The following TNFRSF19 variants were observed in gnomAD, a reference collection of about 807,000 sequenced individuals.
TNFRSF19 encodes tumor necrosis factor receptor superfamily member 19.
TNFRSF19 carries 27 observed loss-of-function variants against 46.4 expected under a neutral mutation model. The ratio of observed to expected loss-of-function variants is 0.58; its 90% CI spans 0.43 to 0.80. The LOEUF (loss-of-function observed/expected upper bound fraction) is 0.80. Among genes scored for constraint, TNFRSF19 ranks in the 30% least tolerant of loss-of-function variants. TNFRSF19 has a pLI of 0.00. For missense variants in TNFRSF19, 511 were observed against 530.8 expected (o/e 0.96, Z 0.37); for synonymous variants, 204 against 205.0 (o/e 1.00, Z 0.04).
intron 1 of TNFRSF19, among the ~76,000 whole-genome samples, chr13:23,585,281 G>GA (rs1300039655): frequency 6.6e-6 from 1 of 151,450 alleles, no homozygotes; most frequent in Non-Finnish European, 1.5e-5. Context: ...CAAGAGATAG[G>GA]AAAAAAACAA....
chr13:23,614,957 G>A (rs1279379816), intron 3 of TNFRSF19, among the ~76,000 whole-genome samples: 1 of 151,928 alleles, frequency 6.6e-6, no homozygotes. Flanking sequence ...GAAGGAGTAT[G>A]GATTATTGAG....
At chr13:23,656,786 T>C (rs1159853265) in intron 5 of TNFRSF19, among the ~76,000 whole-genome samples, 1 of 152,198 alleles carries the variant, frequency 6.6e-6, no homozygotes, top group Non-Finnish European at 1.5e-5. Flanking sequence ...AATGCTTTCA[T>C]TTCCAAGTCA....
chr13:23,637,565 G>C (rs923447072), intron 5 of TNFRSF19, among the ~76,000 whole-genome samples: 1 of 152,200 alleles, frequency 6.6e-6, no homozygotes, highest in Non-Finnish European at 1.5e-5. Flanking sequence ...TATCAATTCT[G>C]CTGGCATAGA....
At chr13:23,630,787 A>G (rs1255225395) in intron 5 of TNFRSF19, among the ~76,000 whole-genome samples, 1 of 152,256 alleles carries the variant, frequency 6.6e-6, no homozygotes, top group Non-Finnish European at 1.5e-5. Flanking sequence ...GATTTCTTTT[A>G]GCAATGTTTA....
At position 23,669,414 on chromosome 13, in the gene TNFRSF19, A is replaced by G. The variant is rs189833734; in HGVS notation, c.1245+317A>G. Reference sequence around the variant, plus strand: ...CGGGTATGGGAGCATCTTGCAGACAATTCCTGACCTTCATTTCTTCCTGTT... The same window carrying G: ...CGGGTATGGGAGCATCTTGCAGACAGTTCCTGACCTTCATTTCTTCCTGTT... On this transcript the variant is annotated intron_variant, in intron 9 of 9. Coordinates refer to ENST00000248484, the MANE Select transcript of TNFRSF19 (RefSeq NM_148957.4). 3.6e-3 allele frequency: 4,006 copies of G among 1,098,198 alleles called. 10 individuals carry two copies. The highest frequency in any genetic ancestry group is 4.2e-3 in the Non-Finnish European group (3,791 of 904,874). 68.0% of individuals were successfully genotyped at this position (1,098,198 alleles called of 1,614,324 possible). A position where few individuals can be genotyped will look rare whatever the true frequency, so the allele number is the denominator to read the frequency against.
Position 23,673,688 on chromosome 13 carries a change from T to G in TNFRSF19, c.*308T>G, listed in dbSNP as rs1385205249. On this transcript the variant is annotated 3_prime_UTR_variant, in exon 10 of 10. Transcript: ENST00000248484. ...ACGGATGGGTTGAGCTGGCAGCCTA[T>G]GAGATTGTGGACATATAACAAGAAA... 1 of 529,028 alleles carries G rather than the reference T, an allele frequency of 1.9e-6. No individual in the cohort carries two copies. The allele number at this position is 529,028 out of a possible 1,614,324, so 32.8% of individuals were successfully genotyped here.
At chr13:23,657,508 T>A (rs943500420) in intron 5 of TNFRSF19, among the ~76,000 whole-genome samples, 1 of 152,212 alleles carries the variant, frequency 6.6e-6, no homozygotes, top group Non-Finnish European at 1.5e-5. Flanking sequence ...GAAGTGTGGC[T>A]AGTCTGAATT....
At chr13:23,638,851 A>C (rs1230664050) in intron 5 of TNFRSF19, among the ~76,000 whole-genome samples, 1 of 152,048 alleles carries the variant, frequency 6.6e-6, no homozygotes, top group African/African-American at 2.4e-5. Flanking sequence ...GGTGCCCTTC[A>C]GTCCTGTTTT....
chr13:23,619,233 G>A (rs1483425072), intron 4 of TNFRSF19, among the ~76,000 whole-genome samples: 1 of 152,078 alleles, frequency 6.6e-6, no homozygotes, highest in African/African-American at 2.4e-5. Flanking sequence ...GCTATGAGAT[G>A]GATGAGCCTA....
intron 5 of TNFRSF19, among the ~76,000 whole-genome samples, chr13:23,643,826 C>G (rs1263692956): frequency 6.6e-6 from 1 of 152,204 alleles, no homozygotes; most frequent in Admixed American, 6.5e-5. Flanking sequence ...CCATCAGTGC[C>G]ATTGCAATGT....
intron 7 of TNFRSF19, among the ~76,000 whole-genome samples, chr13:23,666,158 G>A (rs1318499010): frequency 1.3e-5 from 2 of 152,126 alleles, no homozygotes; most frequent in Non-Finnish European, 2.9e-5. Flanking sequence ...TTCGTTAAGG[G>A]GGTGTCTGCC....
At chr13:23,672,019 T>G (rs906821936) in intron 9 of TNFRSF19, among the ~76,000 whole-genome samples, 4 of 152,220 alleles carry the variant, frequency 2.6e-5, no homozygotes, top group Non-Finnish European at 5.9e-5. Context: ...TGTGTCCATC[T>G]GGGAGGTGGA....
intron 1 of TNFRSF19, among the ~76,000 whole-genome samples, chr13:23,589,274 G>T (rs1481843369): frequency 6.6e-6 from 1 of 152,166 alleles, no homozygotes; most frequent in Non-Finnish European, 1.5e-5. Flanking sequence ...CTACATTTTA[G>T]ATCATTCCTG....
chr13:23,645,306 A>T (rs1410224409), intron 5 of TNFRSF19, among the ~76,000 whole-genome samples: 1 of 152,128 alleles, frequency 6.6e-6, no homozygotes, highest in Non-Finnish European at 1.5e-5. Flanking sequence ...GGTTCAAGGG[A>T]TTCTTGCACC....
Position 23,621,119 on chromosome 13 carries a change from C to T in TNFRSF19, c.359+5074C>T, listed in dbSNP as rs113431198. On this transcript the variant is annotated intron_variant, in intron 4 of 9. Coordinates refer to ENST00000248484, the MANE Select transcript of TNFRSF19 (RefSeq NM_148957.4). ...TGATGGGAATCACAGGGACTGCCTC[C>T]GTCCGTGTGTGCTGTGTGCCCACTT... Among the ~76,000 whole-genome samples, 790 of 152,258 alleles carry T rather than the reference C, an allele frequency of 5.2e-3. 7 individuals are homozygous for T. Among genetic ancestry groups the T allele is most frequent in the Non-Finnish European group, 8.9e-3 (604 of 68,020 alleles).
chr13:23,654,542 G>A (rs534017133), intron 5 of TNFRSF19, among the ~76,000 whole-genome samples: 1 of 152,328 alleles, frequency 6.6e-6, no homozygotes, highest in Admixed American at 6.5e-5. Flanking sequence ...CACTGGGGCA[G>A]CTCTGCAGTC....
At chr13:23,599,611 G>A (rs1242672313) in intron 3 of TNFRSF19, among the ~76,000 whole-genome samples, 3 of 152,084 alleles carry the variant, frequency 2.0e-5, no homozygotes, top group Non-Finnish European at 2.9e-5. Flanking sequence ...CTAAAGACCT[G>A]GAGTCAATAG....
chr13:23,664,234 C>T (rs1347452604), intron 7 of TNFRSF19, among the ~76,000 whole-genome samples: 2 of 152,192 alleles, frequency 1.3e-5, no homozygotes, highest in East Asian at 3.9e-4. Flanking sequence ...AACTTGATTT[C>T]TACCTTAATT....
At chr13:23,585,058 G>C (rs538939150) in intron 1 of TNFRSF19, among the ~76,000 whole-genome samples, 31 of 150,658 alleles carry the variant, frequency 2.1e-4, no homozygotes, top group Non-Finnish European at 3.9e-4. Flanking sequence ...AATGTCAAAG[G>C]CTGTATTTAT....
Sources: allele counts gnomAD v4.1 joint callset (sites outside exome capture counted in the v4.1 genomes callset), GRCh38; gene constraint gnomAD v4.1.1; transcripts MANE v1.5; gene names NCBI Gene and HGNC (gene_info 2026-07-23, HGNC 2026-07-21).